THRA: variants seen among roughly 807,000 people sequenced by gnomAD.
THRA encodes EAR-7.
A neutral mutation model predicts 45.0 loss-of-function variants in THRA; 13 were observed. The ratio of observed to expected loss-of-function variants is 0.29; its 90% confidence interval spans 0.19 to 0.46. THRA has a LOEUF of 0.46. Ranked by LOEUF, THRA falls within the 20% of genes least tolerant of loss-of-function variation. The pLI, the probability that THRA is intolerant of heterozygous loss-of-function variation, is 1.00. For missense variants in THRA, 278 were observed against 556.1 expected (o/e 0.50, Z 5.03); for synonymous variants, 195 against 214.0 (o/e 0.91, Z 0.78).
intron 7 of THRA, among the ~76,000 whole-genome samples, chr17:40,087,458 TAC>T (rs1256424145): frequency 6.8e-6 from 1 of 147,306 alleles, no homozygotes; most frequent in Non-Finnish European, 1.5e-5. Flanking sequence ...CATAGATACA[TAC>T]AGACACACAC....
At chr17:40,074,605 C>T (rs940319857) in intron 2 of THRA, 64 bp downstream of exon 2, 1 of 1,584,694 alleles carries the variant, frequency 6.3e-7, no homozygotes, top group East Asian at 2.2e-5. Context: ...CCTGGCTGAG[C>T]TCTCCTTTAG....
At position 40,092,097 on chromosome 17, in the gene THRA, G is replaced by A. The variant is rs1050692390; in HGVS notation, c.*2641G>A. The stretch of plus-strand genomic sequence containing the variant: ...TTGCCAGAGCCATGACCACTACCCC[G>A]CCCCCACCACCCGCCTCTCCATCTC... On this transcript the variant is annotated 3_prime_UTR_variant, in exon 9 of 9. Coordinates refer to ENST00000450525, the MANE Select transcript of THRA (RefSeq NM_199334.5). 18 of 151,590 alleles carry A rather than the reference G, an allele frequency of 1.2e-4. No homozygotes were observed. The highest frequency in any genetic ancestry group is 3.9e-4 in the African/African-American group (16 of 41,274). 9.4% of individuals were successfully genotyped at this position (151,590 alleles called of 1,614,324 possible).
rs1239501021 is a variant in THRA at position 40,091,728 on chromosome 17, C to A, written c.*2272C>A. On this transcript the variant is annotated 3_prime_UTR_variant, in exon 9 of 9. Coordinates refer to ENST00000450525, the MANE Select transcript of THRA (RefSeq NM_199334.5). Reference sequence around the variant, plus strand: ...AGCTGTGATCCCATCCTCCCCGGACCCCTCCCTTCCCCCTCGGTGATGTGG... The same window carrying A: ...AGCTGTGATCCCATCCTCCCCGGACACCTCCCTTCCCCCTCGGTGATGTGG... 1 of 152,376 alleles carries A rather than the reference C, an allele frequency of 6.6e-6. No homozygotes were observed. The highest frequency in any genetic ancestry group is 2.4e-5 in the African/African-American group (1 of 41,426). The allele number at this position is 152,376 out of a possible 1,614,324, so 9.4% of individuals were successfully genotyped here.
intron 1 of THRA, among the ~76,000 whole-genome samples, chr17:40,072,662 A>C (rs958332872): frequency 1.1e-4 from 17 of 152,078 alleles, no homozygotes; most frequent in Non-Finnish European, 5.9e-5. Context: ...TCTATTGTCC[A>C]GCCCAACCCC....
chr17:40,077,174 G>A (rs1986984674), intron 3 of THRA, among the ~76,000 whole-genome samples: 1 of 152,158 alleles, frequency 6.6e-6, no homozygotes, highest in South Asian at 2.1e-4. Flanking sequence ...CCTCATCTGA[G>A]GCCCTACCAG....
At position 40,064,262 on chromosome 17, in the gene THRA, A is replaced by G. The variant is rs1201920048; in HGVS notation, c.-298+1170A>G. On this transcript the variant is annotated intron_variant, in intron 1 of 8. Coordinates refer to ENST00000450525, the MANE Select transcript of THRA (RefSeq NM_199334.5). ...CATACCCACGCACAGGGTCACACGT[A>G]GATGCTGTCACACACTGGGGCAAGG... is the stretch of plus-strand genomic sequence containing the variant. 3.9e-5 allele frequency among the ~76,000 whole-genome samples: 6 copies of G among 152,320 alleles called. No homozygotes were observed. In the East Asian group the frequency reaches 1.2e-3, roughly 29 times the overall value.
chr17:40,087,361 TAG>T (rs1987364799), intron 7 of THRA, among the ~76,000 whole-genome samples: 1 of 120,944 alleles, frequency 8.3e-6, no homozygotes, highest in African/African-American at 3.3e-5. Context: ...CACAGATACA[TAG>T]ACACACACCT....
rs948373363 is a variant in THRA, at chr17:40,089,123, C to G, written c.983-83C>G. On this transcript the variant is annotated intron_variant, in intron 8 of 8. Transcript: ENST00000450525. This position sits in a 1 kb window ranked among gnomAD's most constrained non-coding sequence, Gnocchi z 6.1. ...GCCTCTATCTCCCCTCTAGTCCTTT[C>G]TTCCCACGTCCCCACACCTCACCCT... is the stretch of plus-strand genomic sequence containing the variant. 7.2e-7 allele frequency: 1 copy of G among 1,397,930 alleles called. No individual in the cohort carries two copies. Among genetic ancestry groups the G allele is most frequent in the Non-Finnish European group, 9.9e-7 (1 of 1,009,286 alleles). The allele number at this position is 1,397,930 out of a possible 1,614,324, so 86.6% of individuals were successfully genotyped here. A position where few individuals can be genotyped will look rare whatever the true frequency, so the allele number is the denominator to read the frequency against.
chr17:40,074,980 A>G (rs919394652), intron 2 of THRA, among the ~76,000 whole-genome samples: 1 of 152,274 alleles, frequency 6.6e-6, no homozygotes, highest in Non-Finnish European at 1.5e-5. Context: ...CACATGCACC[A>G]GTAACTATTG....
intron 1 of THRA, among the ~76,000 whole-genome samples, chr17:40,070,957 C>A (rs1332750719): frequency 6.6e-6 from 1 of 151,926 alleles, no homozygotes; most frequent in Non-Finnish European, 1.5e-5. Flanking sequence ...CTACCTCACC[C>A]CTTCTCCCCA....
intron 4 of THRA, among the ~76,000 whole-genome samples, chr17:40,077,928 C>T (rs1987008806): frequency 6.6e-6 from 1 of 152,086 alleles, no homozygotes; most frequent in South Asian, 2.1e-4. Flanking sequence ...GAACTCCTGA[C>T]CTCAGGTGAC....
chr17:40,075,694 A>G (rs1986929756), intron 2 of THRA, among the ~76,000 whole-genome samples: 2 of 150,286 alleles, frequency 1.3e-5, no homozygotes, highest in African/African-American at 4.9e-5. Context: ...TCTATGCGCC[A>G]CCTTGTGGCT....
At chr17:40,074,738 T>C (rs561119178) in intron 2 of THRA, among the ~76,000 whole-genome samples, 197 bp downstream of exon 2, 100 of 152,352 alleles carry the variant, frequency 6.6e-4, no homozygotes, top group African/African-American at 2.3e-3. Context: ...ATGCTCATTT[T>C]GAAGCGGGGA....
chr17:40,067,463 C>T (rs1374008469), intron 1 of THRA, among the ~76,000 whole-genome samples: 3 of 152,240 alleles, frequency 2.0e-5, no homozygotes, highest in African/African-American at 7.2e-5. Context: ...CCAGATTCCC[C>T]TGCCCTCCAT....
Position 40,089,728 on chromosome 17 carries a change from CAG to C in THRA, c.*274_*275del. 1.5e-6 allele frequency: 2 copies of C among 1,313,038 alleles called. No homozygotes were observed. Among genetic ancestry groups the C allele is most frequent in the Non-Finnish European group, 2.0e-6 (2 of 1,024,616 alleles). 81.3% of individuals were successfully genotyped at this position (1,313,038 alleles called of 1,614,324 possible). On this transcript the variant is annotated 3_prime_UTR_variant, in exon 9 of 9. Coordinates refer to ENST00000450525, the MANE Select transcript of THRA (RefSeq NM_199334.5). The surrounding 1 kb of genome is among the most constrained non-coding windows in gnomAD (Gnocchi z 6.1). Reference sequence around the variant, plus strand: ...TGCAGTTCCCAGGACCCCATCCTCTCAGAAGGTAGGGGAAGGGCGGGAGGATT... The same window carrying C: ...TGCAGTTCCCAGGACCCCATCCTCTCAAGGTAGGGGAAGGGCGGGAGGATT...
intron 4 of THRA, among the ~76,000 whole-genome samples, chr17:40,080,695 CTT>C (rs1240668405): frequency 7.3e-6 from 1 of 137,598 alleles, no homozygotes; most frequent in African/African-American, 2.7e-5. Flanking sequence ...GAATCTGTAT[CTT>C]TGGTAGGTGC....
At chr17:40,066,685 GAAAAAC>G (rs1160362269) in intron 1 of THRA, among the ~76,000 whole-genome samples, 955 of 67,996 alleles carry the variant, frequency 0.014, 13 homozygotes, top group Non-Finnish European at 0.018. Flanking sequence ...AAAAAAAAAA[GAAAAAC>G]AAAAAAGAAC....
chr17:40,082,758 C>CTTTTT (rs920725279), intron 4 of THRA, among the ~76,000 whole-genome samples: 5 of 67,526 alleles, frequency 7.4e-5, no homozygotes, highest in African/African-American at 1.3e-4. Context: ...GAATCGCATG[C>CTTTTT]TTTTTTTTTT....
At chr17:40,066,317 A>T (rs1301405704) in intron 1 of THRA, among the ~76,000 whole-genome samples, 2 of 152,140 alleles carry the variant, frequency 1.3e-5, no homozygotes, top group Non-Finnish European at 2.9e-5. Flanking sequence ...CAGGGCAGCT[A>T]CAGAGGGGAA....
Sources: allele counts gnomAD v4.1 joint callset (sites outside exome capture counted in the v4.1 genomes callset), GRCh38; gene constraint gnomAD v4.1.1; non-coding constraint Gnocchi (gnomAD v3.1); transcripts MANE v1.5; gene names NCBI Gene and HGNC (gene_info 2026-07-23, HGNC 2026-07-21).